Variants in ADGRL2 observed in about 807,000 individuals in gnomAD.
ADGRL2 encodes the protein adhesion G protein-coupled receptor L2, also known as calcium-independent alpha-latrotoxin receptor 2.
A neutral mutation model predicts 157.4 loss-of-function variants in ADGRL2; 44 were observed. The ratio of observed to expected loss-of-function variants is 0.28; its 90% confidence interval spans 0.22 to 0.36. The LOEUF (loss-of-function observed/expected upper bound fraction) is 0.36, where lower values mean the gene tolerates loss of function less well. ADGRL2 is among the 10% of genes least tolerant of loss of function. The probability of loss-of-function intolerance (pLI) is 1.00; values close to 1 mark genes in which losing one functional copy is unlikely to be tolerated. For synonymous variants in ADGRL2, 585 were observed against 624.7 expected (o/e 0.94, Z 0.95); for missense variants, 1,510 against 1,768.9 (o/e 0.85, Z 2.63).
chr1:81,408,611 GA>G (rs2076896112), intron 1 of ADGRL2, among the ~76,000 whole-genome samples: 3 of 152,212 alleles, frequency 2.0e-5, no homozygotes. Flanking sequence ...CAGCTCCATA[GA>G]TTTGCTGCTG....
chr1:81,993,058 CATATATATATATATATATATATATAT>C lies in ADGRL2; in HGVS notation c.*1918_*1943del, dbSNP rs201201668. Reference sequence around the variant, plus strand: ...AAATTAAGTGCATATATATAATATACATATATATATATATATATATATATATATATTTTTTTTTTTTTTTTTTTTTT... The same window carrying C: ...AAATTAAGTGCATATATATAATATACATATTTTTTTTTTTTTTTTTTTTTT... On this transcript the variant is annotated 3_prime_UTR_variant, in exon 24 of 24. Coordinates refer to ENST00000686636, the MANE Select transcript of ADGRL2 (RefSeq NM_001366006.2). 7.3e-5 allele frequency among the ~76,000 whole-genome samples: 3 copies of C among 40,848 alleles called. No homozygotes were observed. Among genetic ancestry groups the C allele is most frequent in the African/African-American group, 1.5e-4 (1 of 6,806 alleles). 26.8% of individuals were successfully genotyped at this position (40,848 alleles called of 152,430 possible).
rs559104878 is a variant in ADGRL2, at chr1:81,385,679, G to A, written c.-301-59357G>A. ...AAAGAAAGCTATAGTGATCATTTAG[G>A]AGAAAAAATTTTAAAATGAATGAAC... On this transcript the variant is annotated intron_variant, in intron 1 of 24. Transcript: ENST00000370721. Among the ~76,000 whole-genome samples, 3 of 151,854 alleles carry A rather than the reference G, an allele frequency of 2.0e-5. No individual in the cohort carries two copies. The South Asian group carries it at 6.2e-4, about 32-fold the overall frequency.
At chr1:81,931,146 C>T (rs1174712595) in intron 3 of ADGRL2, among the ~76,000 whole-genome samples, 3 of 151,986 alleles carry the variant, frequency 2.0e-5, no homozygotes, top group Non-Finnish European at 4.4e-5. Context: ...GAGGCTTTGT[C>T]TCAAAAAAAC....
chr1:81,602,515 C>T (rs1164352762), intron 3 of ADGRL2, among the ~76,000 whole-genome samples: 1 of 152,092 alleles, frequency 6.6e-6, no homozygotes. Flanking sequence ...TTGCTTGAAC[C>T]CGGGAAGCAG....
At chr1:81,627,007 C>T (rs2081924197) in intron 3 of ADGRL2, among the ~76,000 whole-genome samples, 1 of 152,058 alleles carries the variant, frequency 6.6e-6, no homozygotes, top group Non-Finnish European at 1.5e-5. Context: ...ACTTTATTCA[C>T]TATAGTTATG....
intron 1 of ADGRL2, among the ~76,000 whole-genome samples, chr1:81,818,170 A>G (rs1374568233): frequency 1.3e-5 from 2 of 151,994 alleles, no homozygotes; most frequent in African/African-American, 4.8e-5. Flanking sequence ...CAGAAAAAAA[A>G]ATTCCTCTTG....
intron 2 of ADGRL2, among the ~76,000 whole-genome samples, chr1:81,868,045 A>C (rs2093592619): frequency 1.4e-5 from 2 of 140,126 alleles, no homozygotes; most frequent in African/African-American, 5.4e-5. Flanking sequence ...ACTTTGGGCA[A>C]GGCTGTGTGT....
intron 1 of ADGRL2, among the ~76,000 whole-genome samples, chr1:81,401,522 G>A (rs925795416): frequency 4.6e-5 from 7 of 152,168 alleles, no homozygotes; most frequent in Admixed American, 1.3e-4. Context: ...CTTCTTTCAT[G>A]TATGCCAGCA....
intron 1 of ADGRL2, among the ~76,000 whole-genome samples, chr1:81,346,943 G>A (rs2100804785): frequency 6.6e-6 from 1 of 152,266 alleles, no homozygotes; most frequent in Non-Finnish European, 1.5e-5. Flanking sequence ...TGAGGTGCAT[G>A]CAAGAAAAAG....
intron 2 of ADGRL2, among the ~76,000 whole-genome samples, chr1:81,469,896 C>T (rs905965486): frequency 6.6e-6 from 1 of 152,182 alleles, no homozygotes; most frequent in African/African-American, 2.4e-5. Flanking sequence ...TTTTCATAGG[C>T]TCCTTCTGTT....
At chr1:81,321,140 G>C (rs965672892) in intron 1 of ADGRL2, among the ~76,000 whole-genome samples, 1 of 152,110 alleles carries the variant, frequency 6.6e-6, no homozygotes, top group Non-Finnish European at 1.5e-5. Flanking sequence ...AACCTCATAA[G>C]CCAACCTCTG....
At chr1:81,375,266 T>C (rs1189567339) in intron 1 of ADGRL2, among the ~76,000 whole-genome samples, 1 of 152,168 alleles carries the variant, frequency 6.6e-6, no homozygotes, top group Non-Finnish European at 1.5e-5. Flanking sequence ...GGTATCAGTA[T>C]AGCCCAAAAT....
chr1:81,567,144 T>C (rs2080580870), intron 2 of ADGRL2, among the ~76,000 whole-genome samples: 1 of 152,174 alleles, frequency 6.6e-6, no homozygotes, highest in Non-Finnish European at 1.5e-5. Context: ...ACAGCTAAGA[T>C]AATTGCTGTG....
intron 11 of ADGRL2, among the ~76,000 whole-genome samples, chr1:81,962,793 A>G (rs1655865860): frequency 1.3e-5 from 2 of 152,144 alleles, no homozygotes; most frequent in Non-Finnish European, 1.5e-5. Flanking sequence ...TTGTAATGAT[A>G]TCTTACATGT....
chr1:81,405,099 A>G (rs888067201), intron 1 of ADGRL2, among the ~76,000 whole-genome samples: 2 of 152,172 alleles, frequency 1.3e-5, no homozygotes, highest in Non-Finnish European at 2.9e-5. Context: ...CAGAGTACAT[A>G]TACTGCCCTG....
chr1:81,987,052 A>T (rs1270023532), intron 22 of ADGRL2, 23 bp downstream of exon 22: 3 of 1,606,672 alleles, frequency 1.9e-6, no homozygotes. Context: ...TACAAATAAA[A>T]CTACCTTTCT....
chr1:81,389,823 T>C (rs1295646363), intron 1 of ADGRL2, among the ~76,000 whole-genome samples: 2 of 152,142 alleles, frequency 1.3e-5, no homozygotes, highest in East Asian at 1.9e-4. Flanking sequence ...GTGGACCTAC[T>C]ATAAGGCTAA....
At chr1:81,574,302 A>G (rs1042691784) in intron 2 of ADGRL2, among the ~76,000 whole-genome samples, 9 of 152,120 alleles carry the variant, frequency 5.9e-5, no homozygotes, top group African/African-American at 1.9e-4. Flanking sequence ...TTGGTGACTG[A>G]CCAAAGGAAG....
At chr1:81,875,163 C>T (rs1244175870) in intron 2 of ADGRL2, among the ~76,000 whole-genome samples, 1 of 152,152 alleles carries the variant, frequency 6.6e-6, no homozygotes. Context: ...TAATGGGAGG[C>T]AGCCCAGTGA....
Sources: allele counts gnomAD v4.1 joint callset (sites outside exome capture counted in the v4.1 genomes callset), GRCh38; gene constraint gnomAD v4.1.1; transcripts MANE v1.5; gene names NCBI Gene and HGNC (gene_info 2026-07-23, HGNC 2026-07-21).